NLRP8: variants seen among roughly 807,000 people sequenced by gnomAD.
NLRP8 encodes NACHT, LRR and PYD domains-containing protein 8.
A neutral mutation model predicts 88.7 loss-of-function variants in NLRP8; 86 were observed. The ratio of observed to expected loss-of-function variants is 0.97; its 90% CI spans 0.81 to 1.16. The LOEUF (loss-of-function observed/expected upper bound fraction) is 1.16, where lower values mean the gene tolerates loss of function less well. Among genes scored for constraint, NLRP8 ranks in the 50% most tolerant of loss-of-function variants. The pLI is 0.00. For missense variants in NLRP8, 1,342 were observed against 1,286.5 expected, an observed-to-expected ratio of 1.04 and a Z score of -0.66; for synonymous variants, 504 against 494.6, an observed-to-expected ratio of 1.02 and a Z score of -0.25.
intron 9 of NLRP8, among the ~76,000 whole-genome samples, chr19:55,986,292 A>T (rs1980802416): frequency 6.6e-6 from 1 of 151,206 alleles, no homozygotes; most frequent in Non-Finnish European, 1.5e-5. Context: ...ACACTCACAC[A>T]CACACTCTAT....
At chr19:55,969,448 A>G (rs193117686) in intron 5 of NLRP8, among the ~76,000 whole-genome samples, 1 of 152,256 alleles carries the variant, frequency 6.6e-6, no homozygotes, top group East Asian at 1.9e-4. Context: ...TTCTTTTTTC[A>G]TGGCTGAGTA....
At position 55,955,791 on chromosome 19, in the gene NLRP8, A is replaced by T. The variant is rs1979327297; in HGVS notation, c.1733A>T (p.Lys578Met). Residue 578 changes from lysine (K) to methionine (M), a missense_variant, in exon 3 of 10, where the codon AAG becomes ATG. By Grantham distance (95) the Lys-to-Met change is moderately conservative (BLOSUM62 -1). Coordinates refer to ENST00000291971, the MANE Select transcript of NLRP8 (RefSeq NM_176811.2). ...GCCGTGGAACAGTCATTCCAATGCA[A>T]GGTGTCTTTCGGTAATAAGAGGAAA... is the stretch of plus-strand genomic sequence containing the variant. The T allele has an allele frequency of 2.5e-6, 4 of 1,614,166 alleles. No individual in the cohort carries two copies. The highest frequency in any genetic ancestry group is 3.4e-6 in the Non-Finnish European group (4 of 1,180,034).
chr19:55,983,122 A>G (rs1980641451), intron 9 of NLRP8, among the ~76,000 whole-genome samples: 1 of 152,180 alleles, frequency 6.6e-6, no homozygotes, highest in Admixed American at 6.6e-5. Flanking sequence ...AACAACAGAT[A>G]CACAGCAAAG....
intron 9 of NLRP8, among the ~76,000 whole-genome samples, 85 bp from the exon 10 acceptor site, chr19:55,980,974 G>A (rs536963341): frequency 6.7e-4 from 102 of 152,182 alleles, no homozygotes; most frequent in African/African-American, 2.0e-3. Context: ...GTAAATTTCT[G>A]TTCTAGAGGT....
At chr19:55,961,406 T>C (rs1979603243) in intron 3 of NLRP8, among the ~76,000 whole-genome samples, 1 of 152,228 alleles carries the variant, frequency 6.6e-6, no homozygotes, top group Non-Finnish European at 1.5e-5. Context: ...ATTCTGATCC[T>C]ATATTTTTTT....
Position 55,955,037 on chromosome 19 carries a change from G to A in NLRP8, c.979G>A (p.Glu327Lys). 6.2e-7 allele frequency: 1 copy of A among 1,614,112 alleles called. No homozygotes were observed. Among genetic ancestry groups the A allele is most frequent in the African/African-American group, 1.3e-5 (1 of 75,034 alleles). ...TTTGCTGAGCAAAACGATGCTTCCAGAGGCCACGCTACTGATCATGATAAG... is the reference window on the plus strand; with the variant it reads ...TTTGCTGAGCAAAACGATGCTTCCAAAGGCCACGCTACTGATCATGATAAG... The change falls in exon 3 of 10, where the codon GAG becomes AAG. Residue 327 changes from glutamate (E) to lysine (K), a missense_variant. Coordinates refer to ENST00000291971, the MANE Select transcript of NLRP8 (RefSeq NM_176811.2).
intron 1 of NLRP8, 149 bp downstream of exon 1, chr19:55,948,418 C>G (rs923468585): frequency 1.8e-4 from 149 of 810,320 alleles, no homozygotes; most frequent in Middle Eastern, 6.2e-4. Context: ...AAGGCAAAGA[C>G]TGTCATACGG....
chr19:55,968,804 A>G (rs1025135492), intron 5 of NLRP8, among the ~76,000 whole-genome samples: 2 of 152,246 alleles, frequency 1.3e-5, no homozygotes, highest in Non-Finnish European at 2.9e-5. Context: ...GATATGCTGT[A>G]GAAAACCAAG....
intron 1 of NLRP8, 57 bp from the exon 2 acceptor site, chr19:55,952,481 T>G: frequency 6.9e-7 from 1 of 1,452,534 alleles, no homozygotes; most frequent in East Asian, 2.3e-5. Flanking sequence ...CCATGCTGTT[T>G]CCCTGCTACC....
At chr19:55,952,398 C>T in intron 1 of NLRP8, 140 bp from the exon 2 acceptor site, 1 of 642,512 alleles carries the variant, frequency 1.6e-6, no homozygotes, top group Non-Finnish European at 2.8e-6. Context: ...TTTTCTTCTC[C>T]CTGAACGGAG....
chr19:55,976,555 G>T (rs932221381), intron 8 of NLRP8, among the ~76,000 whole-genome samples: 1 of 152,046 alleles, frequency 6.6e-6, no homozygotes, highest in East Asian at 1.9e-4. Flanking sequence ...CTGAGGGTGG[G>T]ATGCAGCAAT....
chr19:55,984,111 C>G (rs552156779), intron 9 of NLRP8, among the ~76,000 whole-genome samples: 50 of 151,006 alleles, frequency 3.3e-4, no homozygotes, highest in African/African-American at 1.2e-3. Context: ...ATAATAAACA[C>G]AACATTATAA....
At chr19:55,973,956 G>C in intron 7 of NLRP8, 134 bp downstream of exon 7, 1 of 775,814 alleles carries the variant, frequency 1.3e-6, no homozygotes. Flanking sequence ...CTAGCACTGA[G>C]GGGAAAAGCA....
chr19:55,954,398 G>A (rs1568458999), intron 2 of NLRP8, 103 bp from the exon 3 acceptor site: 7 of 1,141,908 alleles, frequency 6.1e-6, no homozygotes, highest in African/African-American at 1.5e-5. Flanking sequence ...AGGGCATCAC[G>A]GGGCTTCACG....
rs957265503 is a variant in NLRP8 at position 55,948,026 on chromosome 19, A to G, written c.124A>G (p.Met42Val). 5.0e-6 allele frequency: 8 copies of G among 1,613,948 alleles called. No individual in the cohort carries two copies. The highest frequency in any genetic ancestry group is 2.2e-5 in the East Asian group (1 of 44,852). The change falls in exon 1 of 10, where the codon ATG becomes GTG. Residue 42 changes from methionine to valine, a missense_variant. Transcript: ENST00000291971. ...CGGCTCCCCATGTGAAAATGGGGTCATGCTGTACATGAGAAACGTGAGCCA... is the reference window on the plus strand; with the variant it reads ...CGGCTCCCCATGTGAAAATGGGGTCGTGCTGTACATGAGAAACGTGAGCCA...
At chr19:55,964,044 C>A (rs558904799) in intron 4 of NLRP8, among the ~76,000 whole-genome samples, 1 of 152,270 alleles carries the variant, frequency 6.6e-6, no homozygotes, top group African/African-American at 2.4e-5. Flanking sequence ...AGAATCAGTT[C>A]TCTTAGCCAC....
Position 55,966,112 on chromosome 19 carries a change from C to G in NLRP8, c.2214-101C>G, listed in dbSNP as rs768295608. ...TAAACCCCCTGAGAGTGGGACTGCA[C>G]CTGTCCCACGTGCAGCTTCCGGGAG... is the stretch of plus-strand genomic sequence containing the variant. On this transcript the variant is annotated intron_variant, in intron 4 of 9. Coordinates refer to ENST00000291971, the MANE Select transcript of NLRP8 (RefSeq NM_176811.2). 3.3e-4 allele frequency: 343 copies of G among 1,027,360 alleles called. 1 individual carries two copies. Among genetic ancestry groups the G allele is most frequent in the Non-Finnish European group, 4.3e-4 (287 of 670,668 alleles). 63.6% of individuals were successfully genotyped at this position (1,027,360 alleles called of 1,614,324 possible).
chr19:55,978,890 C>A (rs897379213), intron 8 of NLRP8, among the ~76,000 whole-genome samples: 2 of 152,168 alleles, frequency 1.3e-5, no homozygotes, highest in African/African-American at 4.8e-5. Context: ...CACCACTGCA[C>A]TCCAGCCTGG....
chr19:55,973,834 A>G lies in NLRP8; in HGVS notation c.2705+12A>G, dbSNP rs1366042137. Reference sequence around the variant, plus strand: ...CTGCAGAGGCTGGTGTAAGTCCCAGAATGTTTTCTTCTCTGAATTCCCTGG... The same window carrying G: ...CTGCAGAGGCTGGTGTAAGTCCCAGGATGTTTTCTTCTCTGAATTCCCTGG... On this transcript the variant is annotated intron_variant, in intron 7 of 9. Transcript: ENST00000291971. 6.2e-7 allele frequency: 1 copy of G among 1,602,574 alleles called. No individual in the cohort carries two copies. The highest frequency in any genetic ancestry group is 8.5e-7 in the Non-Finnish European group (1 of 1,172,014).
Sources: gnomAD v4.1 joint callset for allele counts (sites outside exome capture counted in the v4.1 genomes callset) on GRCh38, gnomAD v4.1.1 for gene constraint, MANE v1.5 for transcripts, NCBI Gene and HGNC (gene_info 2026-07-23, HGNC 2026-07-21) for gene names.